KIAA1328: variants seen among roughly 807,000 people sequenced by gnomAD.
KIAA1328 encodes KIAA1328, also known as protein hinderin.
A neutral mutation model predicts 68.1 loss-of-function variants in KIAA1328; 52 were observed. The observed-to-expected ratio is 0.76, with a 90% CI of 0.61 to 0.96. The LOEUF (loss-of-function observed/expected upper bound fraction) is 0.96, where lower values mean the gene tolerates loss of function less well. Ranked by LOEUF, KIAA1328 falls within the 40% of genes least tolerant of loss-of-function variation. The pLI is 0.00. For missense variants in KIAA1328, 641 were observed against 677.6 expected (o/e 0.95, Z 0.60); for synonymous variants, 232 against 239.4 (o/e 0.97, Z 0.28).
chr18:37,198,355 T>A (rs2060042438), intron 9 of KIAA1328, among the ~76,000 whole-genome samples: 1 of 152,222 alleles, frequency 6.6e-6, no homozygotes, highest in Non-Finnish European at 1.5e-5. Flanking sequence ...CAAAACAGTT[T>A]AAAGTTCATA....
chr18:36,908,883 T>G (rs1253603884), intron 5 of KIAA1328, among the ~76,000 whole-genome samples: 6 of 152,148 alleles, frequency 3.9e-5, no homozygotes, highest in African/African-American at 1.4e-4. Context: ...TGAACATTAT[T>G]TATAATTTAA....
At chr18:37,134,046 C>A (rs1383946979) in intron 7 of KIAA1328, among the ~76,000 whole-genome samples, 4 of 151,188 alleles carry the variant, frequency 2.6e-5, no homozygotes, top group Admixed American at 6.6e-5. Flanking sequence ...TGGAGTCTTG[C>A]TCCATAGCCC....
chr18:36,927,198 T>C (rs1240241580), intron 5 of KIAA1328, among the ~76,000 whole-genome samples: 1 of 152,182 alleles, frequency 6.6e-6, no homozygotes, highest in Non-Finnish European at 1.5e-5. Flanking sequence ...AATGTAACAA[T>C]GTTGGTTTTT....
chr18:37,102,305 A>G (rs1240475329), intron 7 of KIAA1328, among the ~76,000 whole-genome samples: 3 of 152,214 alleles, frequency 2.0e-5, no homozygotes, highest in Non-Finnish European at 4.4e-5. Context: ...CAACAGGAAG[A>G]ATACATATTG....
chr18:36,875,296 T>A (rs552969210), intron 4 of KIAA1328, among the ~76,000 whole-genome samples: 16 of 152,300 alleles, frequency 1.1e-4, no homozygotes, highest in Admixed American at 2.6e-4. Context: ...ATTCTATCTT[T>A]GAGCATGGAA....
At chr18:36,920,116 A>T (rs1285999168) in intron 5 of KIAA1328, among the ~76,000 whole-genome samples, 1 of 152,086 alleles carries the variant, frequency 6.6e-6, no homozygotes, top group Non-Finnish European at 1.5e-5. Flanking sequence ...ACTCGGTCAT[A>T]ATTTTTATGC....
intron 7 of KIAA1328, among the ~76,000 whole-genome samples, chr18:37,154,343 C>T (rs2059107611): frequency 6.6e-6 from 1 of 152,188 alleles, no homozygotes; most frequent in Non-Finnish European, 1.5e-5. Flanking sequence ...TTTCTGAGAG[C>T]ACCACTTCTA....
intron 6 of KIAA1328, among the ~76,000 whole-genome samples, chr18:37,001,308 C>G (rs1308122317): frequency 6.6e-6 from 1 of 151,962 alleles, no homozygotes; most frequent in Non-Finnish European, 1.5e-5. Context: ...TACATCCTAC[C>G]AAGATTGAAT....
At chr18:37,107,108 G>A (rs956985992) in intron 7 of KIAA1328, among the ~76,000 whole-genome samples, 1 of 152,128 alleles carries the variant, frequency 6.6e-6, no homozygotes, top group African/African-American at 2.4e-5. Flanking sequence ...CAGGCATGGT[G>A]GTGCACACCT....
intron 7 of KIAA1328, among the ~76,000 whole-genome samples, chr18:37,069,740 A>G (rs556103355): frequency 6.6e-6 from 1 of 152,156 alleles, no homozygotes; most frequent in African/African-American, 2.4e-5. Flanking sequence ...CTGCCTTGCC[A>G]CAGGTTTGTT....
At chr18:36,850,332 G>A (rs1284631422) in intron 4 of KIAA1328, among the ~76,000 whole-genome samples, 2 of 151,910 alleles carry the variant, frequency 1.3e-5, no homozygotes, top group African/African-American at 4.8e-5. Context: ...TGTTGATCTT[G>A]TACTCTGAAA....
At chr18:36,938,778 G>A (rs1023789152) in intron 5 of KIAA1328, among the ~76,000 whole-genome samples, 1 of 152,100 alleles carries the variant, frequency 6.6e-6, no homozygotes, top group African/African-American at 2.4e-5. Flanking sequence ...GAGATAGTGG[G>A]TCTAGTGTCA....
At chr18:37,138,490 A>T (rs1176837479) in intron 7 of KIAA1328, among the ~76,000 whole-genome samples, 1 of 152,174 alleles carries the variant, frequency 6.6e-6, no homozygotes, top group Non-Finnish European at 1.5e-5. Context: ...CATCTAAGGG[A>T]TTTGGCATAA....
At chr18:36,875,512 G>T (rs561038720) in intron 4 of KIAA1328, among the ~76,000 whole-genome samples, 70 of 152,172 alleles carry the variant, frequency 4.6e-4, no homozygotes, top group South Asian at 2.1e-4. Context: ...TTGCACATTG[G>T]TTTTGTATCC....
intron 4 of KIAA1328, among the ~76,000 whole-genome samples, chr18:36,883,146 G>T (rs888662285): frequency 6.6e-6 from 1 of 152,124 alleles, no homozygotes; most frequent in African/African-American, 2.4e-5. Flanking sequence ...TAAACTGGGA[G>T]GGATTTTGTT....
chr18:37,170,573 A>ATT (rs2059480781), intron 8 of KIAA1328, among the ~76,000 whole-genome samples: 1 of 152,170 alleles, frequency 6.6e-6, no homozygotes, highest in Non-Finnish European at 1.5e-5. Context: ...CATGCTCGTC[A>ATT]TTGTTTCCTA....
At chr18:36,859,559 G>GTCTCCCTC (rs1456252200) in intron 4 of KIAA1328, among the ~76,000 whole-genome samples, 2 of 106,234 alleles carry the variant, frequency 1.9e-5, no homozygotes, top group South Asian at 3.3e-4. Context: ...CTACCTCCCT[G>GTCTCCCTC]TCTCCCTCTC....
At chr18:37,151,295 G>A (rs1419547225) in intron 7 of KIAA1328, among the ~76,000 whole-genome samples, 1 of 152,088 alleles carries the variant, frequency 6.6e-6, no homozygotes, top group Non-Finnish European at 1.5e-5. Flanking sequence ...TGGAAAGAAA[G>A]ATATGCTCTT....
At chr18:37,188,125 T>A (rs762797356) in intron 9 of KIAA1328, among the ~76,000 whole-genome samples, 2 of 152,226 alleles carry the variant, frequency 1.3e-5, no homozygotes, top group African/African-American at 2.4e-5. Context: ...TGCATTTAAG[T>A]GTTCTCCATT....
Sources: allele counts gnomAD v4.1 joint callset (sites outside exome capture counted in the v4.1 genomes callset), GRCh38; gene constraint gnomAD v4.1.1; transcripts MANE v1.5; gene names NCBI Gene and HGNC (gene_info 2026-07-23, HGNC 2026-07-21).